Variants in CADPS observed in about 807,000 individuals in gnomAD.
The protein encoded by CADPS is calcium-dependent secretion activator 1.
Under a neutral mutation model 167.3 loss-of-function variants are expected in CADPS, and 57 were observed. That is an observed-to-expected ratio of 0.34 (90% confidence interval 0.28 to 0.42). The LOEUF is 0.42. Among genes scored for constraint, CADPS ranks in the 20% least tolerant of loss-of-function variants. CADPS has a pLI of 1.00. For synonymous variants in CADPS, 676 were observed against 635.3 expected (o/e 1.06, Z -0.96); for missense variants, 1,414 against 1,738.1 (o/e 0.81, Z 3.32).
At chr3:62,732,655 A>G (rs951535266) in intron 3 of CADPS, among the ~76,000 whole-genome samples, 1 of 152,202 alleles carries the variant, frequency 6.6e-6, no homozygotes, top group African/African-American at 2.4e-5. Context: ...CTCTTTTGCA[A>G]TTTCCTGCAG....
rs1013262370 is a variant in CADPS, at chr3:62,494,413, C to A, written c.2707-748G>T. Among the ~76,000 whole-genome samples, 3 of 152,178 alleles carry A rather than the reference C, an allele frequency of 2.0e-5. No homozygotes were observed. In the East Asian group the frequency reaches 5.8e-4, roughly 29 times the overall value. ...GTGTGGAAGGCTGACTCTCATCAAT[C>A]CTGATTCCAGACATTTGAAAAATTC... is the stretch of plus-strand genomic sequence containing the variant. On this transcript the variant is annotated intron_variant, in intron 18 of 29. Coordinates refer to ENST00000383710, the MANE Select transcript of CADPS (RefSeq NM_003716.4).
At chr3:62,630,352 T>C (rs1174019622) in intron 6 of CADPS, among the ~76,000 whole-genome samples, 1 of 152,140 alleles carries the variant, frequency 6.6e-6, no homozygotes, top group Non-Finnish European at 1.5e-5. Flanking sequence ...TTTATTTTAT[T>C]TTCTTGGAAA....
intron 28 of CADPS, chr3:62,403,435 C>T (rs1575567277): frequency 3.6e-6 from 1 of 281,674 alleles, no homozygotes. Context: ...AACTCTTCCA[C>T]GACAGACATT....
chr3:62,530,512 A>T (rs775193762), intron 13 of CADPS: 43 of 423,364 alleles, frequency 1.0e-4, no homozygotes, highest in East Asian at 5.8e-4. Flanking sequence ...ATTTTTTTTT[A>T]AAATTGCACC....
At chr3:62,779,283 A>C (rs1010886775) in intron 1 of CADPS, 6 of 356,240 alleles carry the variant, frequency 1.7e-5, no homozygotes, top group Non-Finnish European at 5.7e-6. Flanking sequence ...CTTTCTGGGC[A>C]GGAAACTTCT....
chr3:62,584,506 T>C (rs1479003211), intron 8 of CADPS, among the ~76,000 whole-genome samples: 2 of 152,212 alleles, frequency 1.3e-5, no homozygotes, highest in African/African-American at 4.8e-5. Flanking sequence ...AGTTACACGA[T>C]TATCATGTTT....
intron 11 of CADPS, among the ~76,000 whole-genome samples, chr3:62,543,268 A>G (rs893701773): frequency 1.3e-5 from 2 of 152,206 alleles, no homozygotes; most frequent in Non-Finnish European, 2.9e-5. Context: ...CAACGTAGCA[A>G]CTGCAAGTTG....
chr3:62,833,974 CAT>C (rs1246747744), intron 1 of CADPS, among the ~76,000 whole-genome samples: 12 of 152,260 alleles, frequency 7.9e-5, no homozygotes, highest in African/African-American at 2.6e-4. Flanking sequence ...GCACTAGAAA[CAT>C]GTGCACCAAA....
chr3:62,820,650 G>A (rs957646128), intron 1 of CADPS, among the ~76,000 whole-genome samples: 4 of 152,148 alleles, frequency 2.6e-5, no homozygotes, highest in Non-Finnish European at 5.9e-5. Context: ...AAGGGTGAAA[G>A]CCTGAACAGT....
At chr3:62,813,128 T>A (rs2094460831) in intron 1 of CADPS, among the ~76,000 whole-genome samples, 1 of 151,990 alleles carries the variant, frequency 6.6e-6, no homozygotes, top group Non-Finnish European at 1.5e-5. Context: ...AAAATCTATT[T>A]GGAATCAAAA....
intron 13 of CADPS, among the ~76,000 whole-genome samples, chr3:62,531,186 G>A (rs1248135290): frequency 6.6e-6 from 1 of 151,102 alleles, no homozygotes; most frequent in Non-Finnish European, 1.5e-5. Flanking sequence ...AACATATGTA[G>A]AATACAGTGT....
intron 28 of CADPS, among the ~76,000 whole-genome samples, chr3:62,436,535 T>G (rs2055087671): frequency 6.6e-6 from 1 of 152,212 alleles, no homozygotes; most frequent in South Asian, 2.1e-4. Flanking sequence ...GCCTATTGGA[T>G]GGTGATTGTG....
chr3:62,615,713 A>C (rs1169648544), intron 6 of CADPS, among the ~76,000 whole-genome samples: 1 of 152,130 alleles, frequency 6.6e-6, no homozygotes. Context: ...CACACCCCCA[A>C]TACACACCCA....
At chr3:62,680,522 T>G (rs1371136975) in intron 3 of CADPS, among the ~76,000 whole-genome samples, 1 of 152,068 alleles carries the variant, frequency 6.6e-6, no homozygotes, top group Admixed American at 6.6e-5. Flanking sequence ...TGTCCTCCTC[T>G]GTCTGGCAGC....
intron 1 of CADPS, among the ~76,000 whole-genome samples, chr3:62,776,430 G>A (rs1480674995): frequency 7.9e-5 from 12 of 152,152 alleles, no homozygotes; most frequent in Non-Finnish European, 1.3e-4. Flanking sequence ...CGAAGCAGGC[G>A]GATCACGAGG....
chr3:62,609,229 T>TC (rs1220082607), intron 6 of CADPS, among the ~76,000 whole-genome samples: 1 of 131,468 alleles, frequency 7.6e-6, no homozygotes, highest in Middle Eastern at 3.2e-3. Context: ...TCTTTTTTTT[T>TC]TTCTTTTTTG....
At chr3:62,730,952 A>G (rs2077657234) in intron 3 of CADPS, among the ~76,000 whole-genome samples, 1 of 152,254 alleles carries the variant, frequency 6.6e-6, no homozygotes, top group Non-Finnish European at 1.5e-5. Flanking sequence ...TCTTTCAAAG[A>G]CATTGATTAG....
At chr3:62,456,092 A>G (rs1295339675) in intron 26 of CADPS, among the ~76,000 whole-genome samples, 1 of 152,084 alleles carries the variant, frequency 6.6e-6, no homozygotes, top group East Asian at 1.9e-4. Context: ...GGGATGAGTT[A>G]AGAGGTCTGA....
chr3:62,434,372 G>C (rs2054568753), intron 28 of CADPS, among the ~76,000 whole-genome samples: 1 of 152,016 alleles, frequency 6.6e-6, no homozygotes, highest in South Asian at 2.1e-4. Flanking sequence ...GGATTGGTTA[G>C]TTTTTTTCTT....
Sources: gnomAD v4.1 joint callset for allele counts (sites outside exome capture counted in the v4.1 genomes callset) on GRCh38, gnomAD v4.1.1 for gene constraint, MANE v1.5 for transcripts, NCBI Gene and HGNC (gene_info 2026-07-23, HGNC 2026-07-21) for gene names.